Variants in FMN2 observed in about 807,000 individuals in gnomAD.
FMN2 encodes formin-2.
FMN2 carries 51 observed loss-of-function variants against 142.3 expected under a neutral mutation model. The observed-to-expected ratio is 0.36, with a 90% CI of 0.29 to 0.45. The LOEUF is 0.45. Among genes scored for constraint, FMN2 ranks in the 20% least tolerant of loss-of-function variants. The probability of loss-of-function intolerance (pLI) is 1.00; values close to 1 mark genes in which losing one functional copy is unlikely to be tolerated. For missense variants in FMN2, 1,936 were observed against 2,122.8 expected (o/e 0.91, Z 1.73); for synonymous variants, 882 against 869.8 (o/e 1.01, Z -0.25).
chr1:240,095,048 A>C (rs1661149758), intron 1 of FMN2, among the ~76,000 whole-genome samples: 1 of 151,522 alleles, frequency 6.6e-6, no homozygotes, highest in Non-Finnish European at 1.5e-5. Context: ...GTTAAAAAGA[A>C]TGTTTGTAGT....
At chr1:240,095,220 A>G (rs1018979717) in intron 1 of FMN2, among the ~76,000 whole-genome samples, 2 of 152,200 alleles carry the variant, frequency 1.3e-5, no homozygotes, top group Admixed American at 6.5e-5. Flanking sequence ...TCTAAGTGAC[A>G]TTCACGTATA....
chr1:240,305,951 G>GTTTTTTTTTTTTT (rs10577212), intron 8 of FMN2, among the ~76,000 whole-genome samples: 1 of 121,764 alleles, frequency 8.2e-6, no homozygotes. Flanking sequence ...ATGCTTGTAA[G>GTTTTTTTTTTTTT]TTTTTTTTTT....
intron 7 of FMN2, among the ~76,000 whole-genome samples, chr1:240,274,770 G>C (rs937850677): frequency 6.6e-6 from 1 of 152,092 alleles, no homozygotes; most frequent in Admixed American, 6.6e-5. Context: ...AATATGTTTC[G>C]AGGGAGGAGG....
chr1:240,351,905 C>A (rs1484702645), intron 13 of FMN2, among the ~76,000 whole-genome samples: 1 of 152,096 alleles, frequency 6.6e-6, no homozygotes, highest in Non-Finnish European at 1.5e-5. Context: ...TGTATGATAT[C>A]ATGGATGTGT....
chr1:240,275,730 C>T (rs573453808), intron 7 of FMN2, among the ~76,000 whole-genome samples: 51 of 152,158 alleles, frequency 3.4e-4, no homozygotes, highest in Non-Finnish European at 5.7e-4. Context: ...CATTCCTTTT[C>T]TCCACATCCT....
At position 240,396,305 on chromosome 1, in the gene FMN2, TGTGTGTG is replaced by T. The variant is rs1558470076; in HGVS notation, c.4910+3744_4910+3750del. Among the ~76,000 whole-genome samples the T allele has an allele frequency of 4.2e-3, 400 of 94,488 alleles. 2 individuals carry two copies. Among genetic ancestry groups the T allele is most frequent in the African/African-American group, 0.022 (350 of 15,622 alleles). 62.0% of individuals were successfully genotyped at this position (94,488 alleles called of 152,430 possible). On this transcript the variant is annotated intron_variant, in intron 15 of 17. Coordinates refer to ENST00000319653, the MANE Select transcript of FMN2 (RefSeq NM_020066.5). Reference sequence around the variant, plus strand: ...ACCCACAATATCTCCGAGGTTTTCGTGTGTGTGTGTGTGTGTGTGTGTGTGTGTGTGT... The same window carrying T: ...ACCCACAATATCTCCGAGGTTTTCGTTGTGTGTGTGTGTGTGTGTGTGTGT...
intron 6 of FMN2, chr1:240,235,922 T>C (rs1002944250): frequency 6.6e-6 from 1 of 152,220 alleles, no homozygotes; most frequent in African/African-American, 2.4e-5. Context: ...TCACTCCTGA[T>C]CATTCAGATG....
At chr1:240,285,136 G>T in intron 7 of FMN2, 1 of 438,402 alleles carries the variant, frequency 2.3e-6, no homozygotes, top group Non-Finnish European at 4.6e-6. Context: ...TTAGGAGGGT[G>T]TTGCAAGAAT....
intron 2 of FMN2, among the ~76,000 whole-genome samples, chr1:240,161,811 A>G (rs952149821): frequency 6.6e-6 from 1 of 152,202 alleles, no homozygotes; most frequent in African/African-American, 2.4e-5. Context: ...CACAAATACA[A>G]AACTTTCTAG....
At chr1:240,281,452 C>T (rs879578010) in intron 7 of FMN2, among the ~76,000 whole-genome samples, 1 of 152,032 alleles carries the variant, frequency 6.6e-6, no homozygotes. Flanking sequence ...GGGCAGGAAC[C>T]GTGTCTGTCT....
At chr1:240,299,168 G>A (rs1049160023) in intron 8 of FMN2, among the ~76,000 whole-genome samples, 7 of 151,958 alleles carry the variant, frequency 4.6e-5, no homozygotes, top group Non-Finnish European at 1.0e-4. Flanking sequence ...GGCTGGTCTC[G>A]AACTCCTGAC....
chr1:240,267,933 G>A (rs1429346653), intron 7 of FMN2, among the ~76,000 whole-genome samples: 2 of 152,090 alleles, frequency 1.3e-5, no homozygotes, highest in Non-Finnish European at 2.9e-5. Context: ...CTAATCATCA[G>A]AGAAATGCAA....
intron 1 of FMN2, among the ~76,000 whole-genome samples, chr1:240,106,048 T>C (rs564557806): frequency 8.5e-5 from 13 of 152,172 alleles, no homozygotes; most frequent in Non-Finnish European, 1.6e-4. Context: ...CGTTGTGTCT[T>C]ACATTGAACA....
At chr1:240,260,893 G>A (rs915981717) in intron 7 of FMN2, among the ~76,000 whole-genome samples, 51 of 152,150 alleles carry the variant, frequency 3.4e-4, no homozygotes, top group African/African-American at 1.1e-3. Context: ...CAGGTCTTAG[G>A]TTTAAGTCCT....
intron 7 of FMN2, among the ~76,000 whole-genome samples, chr1:240,277,463 G>A (rs1327339439): frequency 1.3e-5 from 2 of 149,360 alleles, no homozygotes; most frequent in Admixed American, 6.7e-5. Flanking sequence ...AATAAATGGA[G>A]GGAGAAGGAT....
chr1:240,314,332 G>A (rs1305147366), intron 8 of FMN2, among the ~76,000 whole-genome samples: 2 of 152,124 alleles, frequency 1.3e-5, no homozygotes, highest in African/African-American at 4.8e-5. Context: ...GAATTGAAAG[G>A]AGAGAAAGGG....
At chr1:240,272,347 C>T (rs1003982935) in intron 7 of FMN2, among the ~76,000 whole-genome samples, 1 of 148,682 alleles carries the variant, frequency 6.7e-6, no homozygotes, top group African/African-American at 2.4e-5. Context: ...CCTTGAACTA[C>T]TTTGTGTAAA....
At position 240,092,615 on chromosome 1, in the gene FMN2, C is replaced by T. The variant is rs773926457; in HGVS notation, c.506C>T (p.Ala169Val). The change falls in exon 1 of 18, where the codon GCG becomes GTG. Residue 169 changes from alanine (A) to valine (V), a missense_variant. Ala to Val is a moderately conservative substitution (Grantham distance 64). This residue lies in a region of FMN2 where 751 missense variants were observed against 791.8 expected (regional missense o/e 0.95). Transcript: ENST00000319653. ...IAEDVETAAG[A>V]QDGQRTSSGS... Reference sequence around the variant, plus strand: ...GAGGATGTGGAAACTGCAGCAGGGGCGCAGGATGGACAAAGGACCAGCTCG... The same window carrying T: ...GAGGATGTGGAAACTGCAGCAGGGGTGCAGGATGGACAAAGGACCAGCTCG... 3 of 1,614,058 alleles carry T rather than the reference C, an allele frequency of 1.9e-6. No individual in the cohort carries two copies. Among genetic ancestry groups the T allele is most frequent in the Admixed American group, 1.7e-5 (1 of 60,030 alleles).
intron 16 of FMN2, 155 bp from the exon 17 acceptor site, chr1:240,472,217 T>C: frequency 1.7e-6 from 1 of 602,028 alleles, no homozygotes; most frequent in Non-Finnish European, 2.9e-6. Context: ...GTTGAGGCTT[T>C]CAATTCAAAT....
Sources: allele counts gnomAD v4.1 joint callset (sites outside exome capture counted in the v4.1 genomes callset), GRCh38; gene constraint gnomAD v4.1.1; regional missense constraint gnomAD v4.1.1; transcripts MANE v1.5; gene names NCBI Gene and HGNC (gene_info 2026-07-23, HGNC 2026-07-21).